The following KSR2 variants were observed in gnomAD, a reference collection of about 807,000 sequenced individuals.
The protein encoded by KSR2 is kinase suppressor of ras 2.
In KSR2, 25 loss-of-function variants were observed where a neutral mutation model predicts 107.8. The ratio of observed to expected loss-of-function variants is 0.23; its 90% CI spans 0.17 to 0.32. KSR2 has a LOEUF of 0.32. KSR2 is among the 10% of genes least tolerant of loss of function. The pLI is 1.00. For synonymous variants in KSR2, 480 were observed against 507.0 expected (o/e 0.95, Z 0.71); for missense variants, 887 against 1,268.9 (o/e 0.70, Z 4.57).
intron 1 of KSR2, among the ~76,000 whole-genome samples, chr12:117,954,825 G>A (rs1292094301): frequency 2.0e-5 from 3 of 152,060 alleles, no homozygotes; most frequent in Admixed American, 6.6e-5. Context: ...AGACCAGCCT[G>A]GCTAACATGG....
At chr12:117,569,538 C>T (rs952940306) in intron 7 of KSR2, among the ~76,000 whole-genome samples, 9 of 152,262 alleles carry the variant, frequency 5.9e-5, no homozygotes, top group Admixed American at 5.2e-4. Flanking sequence ...ACTAGGGGAA[C>T]GAACATGGGT....
intron 4 of KSR2, among the ~76,000 whole-genome samples, chr12:117,707,829 AG>A (rs1286020089): frequency 1.2e-4 from 18 of 152,300 alleles, no homozygotes. Flanking sequence ...GGGAGGGGAT[AG>A]GGGTTGCAAA....
chr12:117,812,707 T>C (rs1325169631), intron 3 of KSR2, among the ~76,000 whole-genome samples: 1 of 151,922 alleles, frequency 6.6e-6, no homozygotes, highest in Non-Finnish European at 1.5e-5. Flanking sequence ...AAATTAATAT[T>C]GTTAAAATGT....
intron 14 of KSR2, among the ~76,000 whole-genome samples, chr12:117,492,663 G>A (rs1872807077): frequency 6.6e-6 from 1 of 152,224 alleles, no homozygotes; most frequent in African/African-American, 2.4e-5. Flanking sequence ...TTGCAGATGT[G>A]ATTGAGTCAT....
At chr12:117,492,403 T>A (rs16947636) in intron 14 of KSR2, among the ~76,000 whole-genome samples, 7 of 152,080 alleles carry the variant, frequency 4.6e-5, no homozygotes, top group African/African-American at 7.3e-5. Context: ...CTCCAAACGC[T>A]TCAGCACCAA....
At chr12:117,894,993 A>G (rs1268964101) in intron 1 of KSR2, among the ~76,000 whole-genome samples, 1 of 151,310 alleles carries the variant, frequency 6.6e-6, no homozygotes, top group Admixed American at 6.6e-5. Flanking sequence ...TACTCGGGAG[A>G]CTGAGCCAAG....
At chr12:117,661,937 T>C (rs1593104657) in intron 5 of KSR2, among the ~76,000 whole-genome samples, 1 of 152,222 alleles carries the variant, frequency 6.6e-6, no homozygotes, top group East Asian at 1.9e-4. Flanking sequence ...TAGCATTTTG[T>C]TTATTTCCAG....
chr12:117,893,017 ATTTT>A (rs1158068448), intron 1 of KSR2, among the ~76,000 whole-genome samples: 2 of 136,832 alleles, frequency 1.5e-5, no homozygotes, highest in Non-Finnish European at 1.6e-5. Context: ...ACCCTGTGTA[ATTTT>A]TTTTTTTTTT....
intron 3 of KSR2, among the ~76,000 whole-genome samples, chr12:117,853,352 A>AT (rs1892989779): frequency 6.6e-6 from 1 of 151,874 alleles, no homozygotes; most frequent in Non-Finnish European, 1.5e-5. Context: ...ATTTGGTGCA[A>AT]TTTTTTTTAA....
intron 5 of KSR2, among the ~76,000 whole-genome samples, chr12:117,583,599 TA>T (rs1364094406): frequency 2.0e-5 from 3 of 152,150 alleles, no homozygotes; most frequent in African/African-American, 7.2e-5. Flanking sequence ...TTTCATCCCT[TA>T]GGCTAAATCT....
chr12:117,938,031 T>C (rs2137523842), intron 1 of KSR2, among the ~76,000 whole-genome samples: 1 of 151,200 alleles, frequency 6.6e-6, no homozygotes, highest in African/African-American at 2.4e-5. Flanking sequence ...TTGGACTTCA[T>C]TTGGTTCCTC....
rs1269860056 is a variant in KSR2, at chr12:117,656,963, G to T, written c.1171+10511C>A. On this transcript the variant is annotated intron_variant, in intron 5 of 19. Coordinates refer to ENST00000339824, the MANE Select transcript of KSR2 (RefSeq NM_173598.6). ...TAGGATATATATATATATATAATAGGATATATATATATAATAGGATATATA... is the reference window on the plus strand; with the variant it reads ...TAGGATATATATATATATATAATAGTATATATATATATAATAGGATATATA... 4.2e-3 allele frequency among the ~76,000 whole-genome samples: 375 copies of T among 88,588 alleles called. 5 individuals are homozygous for T. The highest frequency in any genetic ancestry group is 5.9e-3 in the Non-Finnish European group (280 of 47,666). 58.1% of individuals were successfully genotyped at this position (88,588 alleles called of 152,430 possible).
chr12:117,482,248 C>T (rs1399671420), intron 16 of KSR2, among the ~76,000 whole-genome samples: 1 of 151,980 alleles, frequency 6.6e-6, no homozygotes, highest in Non-Finnish European at 1.5e-5. Flanking sequence ...CAGCCCAGCC[C>T]AGCTGTGTGA....
chr12:117,758,880 C>A (rs374808469), intron 4 of KSR2, among the ~76,000 whole-genome samples: 2 of 152,056 alleles, frequency 1.3e-5, no homozygotes, highest in Non-Finnish European at 2.9e-5. Flanking sequence ...GTGGGGCCAC[C>A]GTAGCAACCA....
At chr12:117,543,550 T>C (rs1406027142) in intron 9 of KSR2, among the ~76,000 whole-genome samples, 7 of 152,238 alleles carry the variant, frequency 4.6e-5, no homozygotes, top group Admixed American at 4.6e-4. Context: ...ACATAACTTT[T>C]AGAATAATCA....
At chr12:117,890,058 A>C (rs938349219) in intron 1 of KSR2, among the ~76,000 whole-genome samples, 2 of 152,212 alleles carry the variant, frequency 1.3e-5, no homozygotes, top group Admixed American at 6.5e-5. Context: ...CTGCTGACTC[A>C]GTAGGTCTGG....
chr12:117,740,307 A>G (rs1217997559), intron 4 of KSR2, among the ~76,000 whole-genome samples: 5 of 139,688 alleles, frequency 3.6e-5, no homozygotes, highest in African/African-American at 1.0e-4. Flanking sequence ...TATATATAAT[A>G]TATATATACA....
chr12:117,657,429 A>T (rs192552110), intron 5 of KSR2, among the ~76,000 whole-genome samples: 2 of 152,322 alleles, frequency 1.3e-5, no homozygotes, highest in African/African-American at 4.8e-5. Context: ...ATTTAAAAAC[A>T]AAACAAAACA....
At chr12:117,801,938 A>G (rs1267092164) in intron 3 of KSR2, among the ~76,000 whole-genome samples, 2 of 152,094 alleles carry the variant, frequency 1.3e-5, no homozygotes, top group African/African-American at 2.4e-5. Context: ...ACTTGTCCCT[A>G]AGAAAAGGGT....
Sources: gnomAD v4.1 joint callset for allele counts (sites outside exome capture counted in the v4.1 genomes callset) on GRCh38, gnomAD v4.1.1 for gene constraint, MANE v1.5 for transcripts, NCBI Gene and HGNC (gene_info 2026-07-23, HGNC 2026-07-21) for gene names.